The following FBXW7 variants were observed in gnomAD, a reference collection of about 807,000 sequenced individuals.
The protein encoded by FBXW7 is F-box and WD repeat domain containing 7, also known as F-box/WD repeat-containing protein 7.
A neutral mutation model predicts 86.3 loss-of-function variants in FBXW7; 11 were observed. The observed-to-expected ratio is 0.13, with a 90% CI of 0.08 to 0.21. The LOEUF is 0.21. Among genes scored for constraint, FBXW7 ranks in the 10% least tolerant of loss-of-function variants. The pLI is 1.00. For synonymous variants in FBXW7, 313 were observed against 297.9 expected, an observed-to-expected ratio of 1.05 and a Z score of -0.52; for missense variants, 488 against 847.4, an observed-to-expected ratio of 0.58 and a Z score of 5.27.
At chr4:152,531,019 G>C (rs1030012593) in intron 2 of FBXW7, among the ~76,000 whole-genome samples, 1 of 152,110 alleles carries the variant, frequency 6.6e-6, no homozygotes, top group Non-Finnish European at 1.5e-5. Context: ...ACAATGAAAT[G>C]AGCCTATGCA....
At chr4:152,423,026 G>GA (rs1201077125) in intron 2 of FBXW7, among the ~76,000 whole-genome samples, 1 of 152,028 alleles carries the variant, frequency 6.6e-6, no homozygotes, top group Non-Finnish European at 1.5e-5. Flanking sequence ...ATATTCATCT[G>GA]GTCTCTTTAT....
chr4:152,360,745 G>A (rs1010703980), intron 4 of FBXW7, among the ~76,000 whole-genome samples: 4 of 151,510 alleles, frequency 2.6e-5, no homozygotes, highest in Admixed American at 1.3e-4. Context: ...TATAAGGTAC[G>A]GTCCTTTTGA....
At chr4:152,436,708 AT>A (rs1740412062) in intron 2 of FBXW7, among the ~76,000 whole-genome samples, 1 of 152,222 alleles carries the variant, frequency 6.6e-6, no homozygotes. Flanking sequence ...AACAGTGCTC[AT>A]TTACCATTCC....
At chr4:152,447,711 T>C (rs1741534603) in intron 2 of FBXW7, among the ~76,000 whole-genome samples, 1 of 152,154 alleles carries the variant, frequency 6.6e-6, no homozygotes, top group Admixed American at 6.5e-5. Flanking sequence ...ATTTCCTAAA[T>C]GGTGCCTTAC....
chr4:152,321,661 C>T lies in FBXW7; in HGVS notation c.*1220G>A, dbSNP rs1728569788. ...ACTGTAACAGTTGTTTTCCCAAATA[C>T]TGTAAAACACTAAGACTGACCAGCA... On this transcript the variant is annotated 3_prime_UTR_variant, in exon 14 of 14. Transcript: ENST00000281708. 4.3e-6 allele frequency: 1 copy of T among 232,998 alleles called. No individual in the cohort carries two copies. The highest frequency in any genetic ancestry group is 5.6e-5 in the Admixed American group (1 of 17,754). 14.4% of individuals were successfully genotyped at this position (232,998 alleles called of 1,614,324 possible). A position where few individuals can be genotyped will look rare whatever the true frequency, so the allele number is the denominator to read the frequency against.
intron 4 of FBXW7, among the ~76,000 whole-genome samples, chr4:152,386,885 G>A (rs771429260): frequency 9.9e-5 from 15 of 152,098 alleles, no homozygotes; most frequent in Non-Finnish European, 1.9e-4. Flanking sequence ...TACGGTATCT[G>A]TAAAATGCAT....
chr4:152,339,121 A>T (rs1392656691), intron 6 of FBXW7, among the ~76,000 whole-genome samples: 1 of 152,230 alleles, frequency 6.6e-6, no homozygotes, highest in African/African-American at 2.4e-5. Flanking sequence ...TGGCAATACC[A>T]TAAAACATTT....
intron 2 of FBXW7, among the ~76,000 whole-genome samples, chr4:152,495,140 TAA>T (rs1443447033): frequency 5.9e-5 from 9 of 152,258 alleles, no homozygotes; most frequent in African/African-American, 2.2e-4. Context: ...TATATCAAAA[TAA>T]TTCTTTTAGG....
chr4:152,464,097 G>C (rs1248996364), intron 2 of FBXW7, among the ~76,000 whole-genome samples: 1 of 152,206 alleles, frequency 6.6e-6, no homozygotes, highest in Non-Finnish European at 1.5e-5. Flanking sequence ...TCCAGCTAAT[G>C]TTTATCTACC....
At chr4:152,396,795 T>A (rs1278676585) in intron 4 of FBXW7, among the ~76,000 whole-genome samples, 1 of 152,130 alleles carries the variant, frequency 6.6e-6, no homozygotes, top group East Asian at 1.9e-4. Context: ...AAAATGGCAG[T>A]GATACAGAAA....
At chr4:152,436,859 T>C (rs944791895) in intron 2 of FBXW7, among the ~76,000 whole-genome samples, 10 of 152,212 alleles carry the variant, frequency 6.6e-5, no homozygotes, top group Admixed American at 6.5e-4. Context: ...TGAGACCTAC[T>C]GCTCAGAATG....
chr4:152,443,308 T>C (rs546356160), intron 2 of FBXW7, among the ~76,000 whole-genome samples: 4 of 152,228 alleles, frequency 2.6e-5, no homozygotes, highest in Admixed American at 6.5e-5. Context: ...ACCCAAAACC[T>C]GGTGTATGGC....
At chr4:152,523,890 A>G (rs1202342379) in intron 2 of FBXW7, among the ~76,000 whole-genome samples, 1 of 152,200 alleles carries the variant, frequency 6.6e-6, no homozygotes, top group Non-Finnish European at 1.5e-5. Flanking sequence ...TTGCTTATTT[A>G]GATCAATTCC....
chr4:152,338,062 CT>C, intron 6 of FBXW7, 126 bp from the exon 7 acceptor site: 1 of 738,580 alleles, frequency 1.4e-6, no homozygotes, highest in Non-Finnish European at 1.9e-6. Context: ...AAAGTGGCTC[CT>C]TATAGTGACA....
At chr4:152,528,419 G>A (rs189967206) in intron 2 of FBXW7, among the ~76,000 whole-genome samples, 69 of 152,312 alleles carry the variant, frequency 4.5e-4, no homozygotes, top group African/African-American at 1.6e-3. Flanking sequence ...TGCATGGCAG[G>A]ATAATACAAG....
At chr4:152,343,760 C>G (rs1333581164) in intron 6 of FBXW7, among the ~76,000 whole-genome samples, 1 of 151,986 alleles carries the variant, frequency 6.6e-6, no homozygotes, top group Non-Finnish European at 1.5e-5. Context: ...ACTGAAGCAT[C>G]AATCTGACTG....
chr4:152,398,740 T>C (rs1736648283), intron 4 of FBXW7, among the ~76,000 whole-genome samples: 1 of 151,962 alleles, frequency 6.6e-6, no homozygotes, highest in South Asian at 2.1e-4. Context: ...TTATAGAAAA[T>C]AGAGATTAAT....
intron 2 of FBXW7, among the ~76,000 whole-genome samples, chr4:152,498,139 T>C (rs1202589444): frequency 1.3e-5 from 2 of 152,208 alleles, no homozygotes; most frequent in East Asian, 3.8e-4. Flanking sequence ...CACAGGTGTT[T>C]GTTATACTAC....
chr4:152,440,310 T>G (rs1409201348), intron 2 of FBXW7, among the ~76,000 whole-genome samples: 1 of 152,188 alleles, frequency 6.6e-6, no homozygotes, highest in Non-Finnish European at 1.5e-5. Context: ...ACAACACCTT[T>G]GAAATTATTT....
Sources: allele counts gnomAD v4.1 joint callset (sites outside exome capture counted in the v4.1 genomes callset), GRCh38; gene constraint gnomAD v4.1.1; transcripts MANE v1.5; gene names NCBI Gene and HGNC (gene_info 2026-07-23, HGNC 2026-07-21).